Variants in EPHB2 observed in about 807,000 individuals in gnomAD.
The protein encoded by EPHB2 is ephrin type-B receptor 2.
In EPHB2, 18 loss-of-function variants were observed where a neutral mutation model predicts 96.4. The observed-to-expected ratio is 0.19, with a 90% CI of 0.13 to 0.28. The LOEUF is 0.28. Ranked by LOEUF, EPHB2 falls within the 10% of genes least tolerant of loss-of-function variation. The pLI, the probability that EPHB2 is intolerant of heterozygous loss-of-function variation, is 1.00. For synonymous variants in EPHB2, 506 were observed against 534.1 expected, an observed-to-expected ratio of 0.95 and a Z score of 0.72; for missense variants, 989 against 1,355.4, an observed-to-expected ratio of 0.73 and a Z score of 4.25.
chr1:22,800,042 C>G (rs758096198), intron 3 of EPHB2, among the ~76,000 whole-genome samples: 1 of 152,224 alleles, frequency 6.6e-6, no homozygotes, highest in African/African-American at 2.4e-5. Flanking sequence ...GCCCCACATC[C>G]GTATCCCTGG....
At chr1:22,897,849 C>T (rs1639617335) in intron 9 of EPHB2, among the ~76,000 whole-genome samples, 1 of 151,784 alleles carries the variant, frequency 6.6e-6, no homozygotes, top group Admixed American at 6.6e-5. Context: ...CCTGTAATCC[C>T]ACCACTTTGG....
At position 22,910,565 on chromosome 1, in the gene EPHB2, C is replaced by A. The variant is rs770107666; in HGVS notation, c.2686C>A (p.Leu896Ile). The stretch of plus-strand genomic sequence containing the variant: ...CAACAGCCTCAAAGCCATGGCGCCC[C>A]TCTCCTCTGGGTAAGGCCCCACCCT... ...NPNSLKAMAP[L>I]SSGINLPLLD... is the part of the protein sequence containing the mutation. Residue 896 changes from leucine to isoleucine, a missense_variant, in exon 14 of 16, where the codon CTC (leucine) becomes ATC (isoleucine). By Grantham distance (5) the Leu-to-Ile change is conservative. Coordinates refer to ENST00000374630, the MANE Select transcript of EPHB2 (RefSeq NM_017449.5). 1.9e-6 allele frequency: 3 copies of A among 1,614,160 alleles called. No individual in the cohort carries two copies. In the South Asian group the frequency reaches 3.3e-5, roughly 18 times the overall value.
At chr1:22,856,047 G>C (rs1645693149) in intron 3 of EPHB2, among the ~76,000 whole-genome samples, 1 of 152,208 alleles carries the variant, frequency 6.6e-6, no homozygotes, top group Non-Finnish European at 1.5e-5. Context: ...AAGGAAGACA[G>C]AGATGCTCCT....
chr1:22,881,872 T>C (rs309486), intron 5 of EPHB2, among the ~76,000 whole-genome samples: 38,558 of 152,036 alleles, frequency 0.25, 7,886 homozygotes, highest in East Asian at 0.62. Flanking sequence ...GGATTACAGA[T>C]GTGAGCCGCT....
intron 5 of EPHB2, among the ~76,000 whole-genome samples, 170 bp from the exon 6 acceptor site, chr1:22,882,189 G>A (rs1288491907): frequency 6.6e-6 from 1 of 152,124 alleles, no homozygotes. Flanking sequence ...AGCCCTGCAT[G>A]AGCCCCTCTG....
At chr1:22,722,452 T>C (rs1032327737) in intron 1 of EPHB2, among the ~76,000 whole-genome samples, 16 of 152,204 alleles carry the variant, frequency 1.1e-4, no homozygotes, top group Non-Finnish European at 4.4e-5. Context: ...TTAGCACCAT[T>C]GTACAAATGG....
Position 22,883,591 on chromosome 1 carries a change from G to C in EPHB2, c.1428+1108G>C, listed in dbSNP as rs1639120522. 2.0e-5 allele frequency among the ~76,000 whole-genome samples: 3 copies of C among 152,196 alleles called. No individual in the cohort carries two copies. The South Asian group carries it at 6.2e-4, about 32-fold the overall frequency. ...ACGGGGAACTGCAGATGGATGGAAG[G>C]GCTCTCCCTGAAGGCTGAGAGGAAG... On this transcript the variant is annotated intron_variant, in intron 6 of 15. Transcript: ENST00000374630.
At position 22,841,669 on chromosome 1, in the gene EPHB2, G is replaced by T. The variant is rs549282359; in HGVS notation, c.812-21368G>T. 2.8e-4 allele frequency among the ~76,000 whole-genome samples: 43 copies of T among 152,270 alleles called. No homozygotes were observed. The South Asian group carries it at 4.2e-3, about 15-fold the overall frequency. On this transcript the variant is annotated intron_variant, in intron 3 of 15. Coordinates refer to ENST00000374630, the MANE Select transcript of EPHB2 (RefSeq NM_017449.5). The stretch of plus-strand genomic sequence containing the variant: ...AAGAGGCGATTGTCAGGCTGGTTTC[G>T]GGGGTGACTCAGTCTTGAAGGTGGG...
chr1:22,750,175 T>C (rs1249506180), intron 1 of EPHB2, among the ~76,000 whole-genome samples: 1 of 152,198 alleles, frequency 6.6e-6, no homozygotes, highest in Non-Finnish European at 1.5e-5. Flanking sequence ...AGAATCCTTA[T>C]CTCAACTTCT....
chr1:22,732,310 G>A, intron 1 of EPHB2, among the ~76,000 whole-genome samples: 1 of 151,840 alleles, frequency 6.6e-6, no homozygotes, highest in Non-Finnish European at 1.5e-5. Context: ...GCGGGGGCCT[G>A]GGAAAGGTGA....
chr1:22,831,890 C>G (rs541758991), intron 3 of EPHB2, among the ~76,000 whole-genome samples: 24 of 152,270 alleles, frequency 1.6e-4, no homozygotes, highest in African/African-American at 4.3e-4. Context: ...TATCCACCCC[C>G]CTACCTAGCC....
chr1:22,863,180 A>G lies in EPHB2; in HGVS notation c.955A>G (p.Met319Val), dbSNP rs1298722748. The G allele has an allele frequency of 6.2e-7, 1 of 1,614,208 alleles. No homozygotes were observed. Among genetic ancestry groups the G allele is most frequent in the Admixed American group, 1.7e-5 (1 of 60,030 alleles). Residue 319 changes from methionine to valine, a missense_variant, in exon 4 of 16, where the codon ATG (methionine) becomes GTG (valine). Physicochemically the swap from Met to Val is conservative, Grantham distance 21 (BLOSUM62 1). Coordinates refer to ENST00000374630, the MANE Select transcript of EPHB2 (RefSeq NM_017449.5). Reference sequence around the variant, plus strand: ...CAGAGCAGACCTGGACCCCCTGGACATGCCCTGCACAAGTAAGTCCTAGGG... The same window carrying G: ...CAGAGCAGACCTGGACCCCCTGGACGTGCCCTGCACAAGTAAGTCCTAGGG... ...YYRADLDPLD[M>V]PCTTIPSAPQ...
intron 6 of EPHB2, among the ~76,000 whole-genome samples, chr1:22,888,037 T>G (rs987682684): frequency 3.3e-5 from 5 of 152,060 alleles, no homozygotes; most frequent in Non-Finnish European, 5.9e-5. Flanking sequence ...GTTTGTTTGT[T>G]TTTTGGGGGT....
chr1:22,735,897 C>T (rs890512219), intron 1 of EPHB2, among the ~76,000 whole-genome samples: 5 of 152,176 alleles, frequency 3.3e-5, no homozygotes, highest in African/African-American at 4.8e-5. Flanking sequence ...CCTGTGCACC[C>T]CTCAGGACCG....
Position 22,877,681 on chromosome 1 carries a change from G to A in EPHB2, c.1304-4678G>A, listed in dbSNP as rs185623232. On this transcript the variant is annotated intron_variant, in intron 5 of 15. Coordinates refer to ENST00000374630, the MANE Select transcript of EPHB2 (RefSeq NM_017449.5). ...CAGAAGCCAGGCTGCAAGCAGCCGCGTGGCAGGTGGATCATATACTAGACC... is the reference window on the plus strand; with the variant it reads ...CAGAAGCCAGGCTGCAAGCAGCCGCATGGCAGGTGGATCATATACTAGACC... Among the ~76,000 whole-genome samples, 1,160 of 152,318 alleles carry A rather than the reference G, an allele frequency of 7.6e-3. 38 individuals are homozygous for A. Among genetic ancestry groups the A allele is most frequent in the Admixed American group, 0.052 (793 of 15,296 alleles).
At chr1:22,889,746 A>G (rs996697621) in intron 6 of EPHB2, among the ~76,000 whole-genome samples, 2 of 152,208 alleles carry the variant, frequency 1.3e-5, no homozygotes, top group African/African-American at 2.4e-5. Context: ...GGTATTTCAG[A>G]CAGGGGCAAC....
At chr1:22,785,338 G>T (rs1644596169) in intron 3 of EPHB2, among the ~76,000 whole-genome samples, 1 of 152,216 alleles carries the variant, frequency 6.6e-6, no homozygotes, top group Admixed American at 6.5e-5. Context: ...AAGGTTTTTT[G>T]TTTACATCAT....
chr1:22,913,922 TTC>T lies in EPHB2; in HGVS notation c.*357_*358del. 1.3e-6 allele frequency: 2 copies of T among 1,506,158 alleles called. No individual in the cohort carries two copies. Among genetic ancestry groups the T allele is most frequent in the Non-Finnish European group, 1.8e-6 (2 of 1,129,456 alleles). 93.3% of individuals were successfully genotyped at this position (1,506,158 alleles called of 1,614,324 possible). A position where few individuals can be genotyped will look rare whatever the true frequency, so the allele number is the denominator to read the frequency against. On this transcript the variant is annotated 3_prime_UTR_variant, in exon 16 of 16. Coordinates refer to ENST00000374630, the MANE Select transcript of EPHB2 (RefSeq NM_017449.5). The surrounding 1 kb of genome is among the most constrained non-coding windows in gnomAD (Gnocchi z 4.1). ...GTGTCCAATCGGAGACAAAAGCAGT[TTC>T]TCTCCAACTCCCTCTGGGAAGGTGA...
intron 3 of EPHB2, among the ~76,000 whole-genome samples, chr1:22,827,277 A>G (rs1645238422): frequency 6.6e-6 from 1 of 152,190 alleles, no homozygotes; most frequent in African/African-American, 2.4e-5. Flanking sequence ...CCCCAGGCCC[A>G]GGTCCTCTCT....
Sources: gnomAD v4.1 joint callset for allele counts (sites outside exome capture counted in the v4.1 genomes callset) on GRCh38, gnomAD v4.1.1 for gene constraint, Gnocchi (gnomAD v3.1) non-coding constraint, MANE v1.5 for transcripts, NCBI Gene and HGNC (gene_info 2026-07-23, HGNC 2026-07-21) for gene names.